The following CPN2 variants were observed in gnomAD, a reference collection of about 807,000 sequenced individuals.
CPN2 encodes the protein carboxypeptidase N 83 kDa chain.
For synonymous variants in CPN2, 336 were observed against 318.4 expected (o/e 1.06, Z -0.59); for missense variants, 620 against 671.4 (o/e 0.92, Z 0.85).
intron 1 of CPN2, among the ~76,000 whole-genome samples, chr3:194,345,853 G>A (rs1713023771): frequency 1.3e-5 from 2 of 152,254 alleles, no homozygotes; most frequent in South Asian, 2.1e-4. Flanking sequence ...GCTTCCCTGG[G>A]TCTGTGCCTC....
chr3:194,342,526 G>A lies in CPN2; in HGVS notation c.177C>T (p.Thr59=). The A allele has an allele frequency of 6.2e-7, 1 of 1,614,198 alleles. No homozygotes were observed. The highest frequency in any genetic ancestry group is 8.5e-7 in the Non-Finnish European group (1 of 1,180,022). ...CTCTGGTTTCCAATGTGGTGAACGA[G>A]GTCTCCACAAAGATGATGTTTTTCG... The part of the protein sequence containing the change: ...PYTKNIIFVE[T]SFTTLETRAF... Residue 59 remains threonine (T), a synonymous_variant, in exon 2 of 2, where the codon ACC becomes ACT. Transcript: ENST00000323830.
rs892669377 is a variant in CPN2 at position 194,342,469 on chromosome 3, C to T, written c.234G>A (p.Val78=). ...GGCAGAGCTGAGTGTTGAGGAAGAC[C>T]ACCTTGGTCAAGTTGGGGTTACTGC... The part of the protein sequence containing the change: ...AFGSNPNLTK[V]VFLNTQLCQF... Residue 78 remains valine (V), a synonymous_variant, in exon 2 of 2, where the codon GTG becomes GTA. Transcript: ENST00000323830. The T allele has an allele frequency of 6.2e-7, 1 of 1,614,242 alleles. No homozygotes were observed. Among genetic ancestry groups the T allele is most frequent in the South Asian group, 1.1e-5 (1 of 91,088 alleles).
intron 1 of CPN2, among the ~76,000 whole-genome samples, chr3:194,343,637 G>C (rs13077145): frequency 0.27 from 41,177 of 152,196 alleles, 6,133 homozygotes; most frequent in East Asian, 0.64. Context: ...CTAATTCCAT[G>C]AGTTCAAATC....
chr3:194,340,910 G>T lies in CPN2; in HGVS notation c.*155C>A, dbSNP rs1022078609. On this transcript the variant is annotated 3_prime_UTR_variant, in exon 2 of 2. Coordinates refer to ENST00000323830, the MANE Select transcript of CPN2 (RefSeq NM_001080513.4). ...GAGGAGGAGGAGACCCTGGTTAGTGGAGCAGACCAGACTCCACCCCCTCAC... is the reference window on the plus strand; with the variant it reads ...GAGGAGGAGGAGACCCTGGTTAGTGTAGCAGACCAGACTCCACCCCCTCAC... 6 of 1,192,296 alleles carry T rather than the reference G, an allele frequency of 5.0e-6. No homozygotes were observed. Among genetic ancestry groups the T allele is most frequent in the Non-Finnish European group, 6.8e-6 (6 of 881,596 alleles). The allele number at this position is 1,192,296 out of a possible 1,614,324, so 73.9% of individuals were successfully genotyped here. A position where few individuals can be genotyped will look rare whatever the true frequency, so the allele number is the denominator to read the frequency against.
At position 194,342,287 on chromosome 3, in the gene CPN2, C is replaced by A. The variant is rs1168692665; in HGVS notation, c.416G>T (p.Gly139Val). 3.1e-6 allele frequency: 5 copies of A among 1,613,826 alleles called. No homozygotes were observed. The highest frequency in any genetic ancestry group is 4.2e-6 in the Non-Finnish European group (5 of 1,179,916). Residue 139 changes from glycine to valine, a missense_variant, in exon 2 of 2, where the codon GGT becomes GTT. Physicochemically the swap from Gly to Val is moderately radical, Grantham distance 109 (BLOSUM62 -3). Transcript: ENST00000323830. ...CAGGGCAGCCAGGTGCTGGAAAAGA[C>A]CCTCGGGCAGAGCCTCCAGCATGTT... Reference protein sequence around the residue: ...NFNMLEALPEGLFQHLAALES... With the variant: ...NFNMLEALPEVLFQHLAALES...
Position 194,342,451 on chromosome 3 carries a change from C to A in CPN2, c.252G>T (p.Gln84His), listed in dbSNP as rs1712889371. 3 of 1,614,218 alleles carry A rather than the reference C, an allele frequency of 1.9e-6. No homozygotes were observed. The highest frequency in any genetic ancestry group is 2.5e-6 in the Non-Finnish European group (3 of 1,180,028). The change falls in exon 2 of 2, where the codon CAG becomes CAT. Residue 84 changes from glutamine (Q) to histidine (H), a missense_variant. By Grantham distance (24) the Gln-to-His change is conservative. Coordinates refer to ENST00000323830, the MANE Select transcript of CPN2 (RefSeq NM_001080513.4). ...AGGCATCCGGCCTAAACTGGCAGAG[C>A]TGAGTGTTGAGGAAGACCACCTTGG... Reference protein sequence around the residue: ...NLTKVVFLNTQLCQFRPDAFG... With the variant: ...NLTKVVFLNTHLCQFRPDAFG...
intron 1 of CPN2, among the ~76,000 whole-genome samples, chr3:194,344,416 G>A (rs1264980669): frequency 1.3e-5 from 2 of 152,230 alleles, no homozygotes; most frequent in Non-Finnish European, 2.9e-5. Context: ...GACTCCTGCG[G>A]CCAGGCGCAG....
In CPN2 at chr3:194,341,089, G is replaced by A. The variant is rs753779810; in HGVS notation, c.1614C>T (p.Ile538=). The change falls in exon 2 of 2, where the codon ATC becomes ATT. Residue 538 remains isoleucine (I), a synonymous_variant. Coordinates refer to ENST00000323830, the MANE Select transcript of CPN2 (RefSeq NM_001080513.4). The part of the protein sequence containing the change: ...SCGSLRLTVS[I]EARAAGP Reference sequence around the variant, plus strand: ...ACTAGGGCCCTGCTGCCCGAGCCTCGATAGACACGGTGAGCCGCAGAGAAC... The same window carrying A: ...ACTAGGGCCCTGCTGCCCGAGCCTCAATAGACACGGTGAGCCGCAGAGAAC... The A allele has an allele frequency of 3.2e-5, 52 of 1,606,238 alleles. No individual in the cohort carries two copies. Among genetic ancestry groups the A allele is most frequent in the Admixed American group, 2.3e-4 (14 of 59,844 alleles).
At position 194,341,783 on chromosome 3, in the gene CPN2, C is replaced by T. The variant is rs1197199921; in HGVS notation, c.920G>A (p.Gly307Asp). 6.2e-7 allele frequency: 1 copy of T among 1,613,880 alleles called. No individual in the cohort carries two copies. The highest frequency in any genetic ancestry group is 1.3e-5 in the African/African-American group (1 of 74,916). Reference protein sequence around the residue: ...THNQLETVAEGTFAHLSNLRS... With the variant: ...THNQLETVAEDTFAHLSNLRS... ...CAGGTTGGACAGGTGGGCAAAGGTG[C>T]CCTCAGCGACAGTCTCCAGCTGGTT... Residue 307 changes from glycine (G) to aspartate (D), a missense_variant, in exon 2 of 2, where the codon GGC becomes GAC. Coordinates refer to ENST00000323830, the MANE Select transcript of CPN2 (RefSeq NM_001080513.4).
In CPN2 at chr3:194,341,556, T is replaced by G. The variant is rs770663297; in HGVS notation, c.1147A>C (p.Thr383Pro). 20 of 1,614,110 alleles carry G rather than the reference T, an allele frequency of 1.2e-5. No homozygotes were observed. Among genetic ancestry groups the G allele is most frequent in the Non-Finnish European group, 1.1e-5 (13 of 1,180,010 alleles). The stretch of plus-strand genomic sequence containing the variant: ...GCCAGGTTGAACAGGTTGTAGTTGG[T>G]GTCGAAGATGCCCTCCGGAAGTGTG... ...LTTLPEGIFD[T>P]NYNLFNLALH... The change falls in exon 2 of 2, where the codon ACC becomes CCC. Residue 383 changes from threonine (T) to proline (P), a missense_variant. Transcript: ENST00000323830.
chr3:194,344,847 AG>A (rs1712990439), intron 1 of CPN2, among the ~76,000 whole-genome samples: 1 of 152,168 alleles, frequency 6.6e-6, no homozygotes, highest in Non-Finnish European at 1.5e-5. Flanking sequence ...CTGTGTCCCT[AG>A]ACCCCAGCTA....
At position 194,340,956 on chromosome 3, in the gene CPN2, C is replaced by T. The variant is rs1712778356; in HGVS notation, c.*109G>A. 2.1e-6 allele frequency: 3 copies of T among 1,427,834 alleles called. No individual in the cohort carries two copies. The South Asian group carries it at 4.4e-5, about 21-fold the overall frequency. The allele number at this position is 1,427,834 out of a possible 1,614,324, so 88.4% of individuals were successfully genotyped here. A position where few individuals can be genotyped will look rare whatever the true frequency, so the allele number is the denominator to read the frequency against. On this transcript the variant is annotated 3_prime_UTR_variant, in exon 2 of 2. Transcript: ENST00000323830. ...CTCACCTTGGGGATGTAACCCTGTC[C>T]CTTGCATGTGAAAAGCCAAGGCTTC...
At chr3:194,344,864 T>A (rs917299457) in intron 1 of CPN2, among the ~76,000 whole-genome samples, 1 of 151,850 alleles carries the variant, frequency 6.6e-6, no homozygotes, top group African/African-American at 2.4e-5. Context: ...AGCTACAGAG[T>A]TAGCATGAGA....
rs1340155656 is a variant in CPN2 at position 194,340,375 on chromosome 3, T to A, written c.*690A>T. 4 of 152,168 alleles carry A rather than the reference T, an allele frequency of 2.6e-5. No individual in the cohort carries two copies. Among genetic ancestry groups the A allele is most frequent in the Non-Finnish European group, 5.9e-5 (4 of 68,022 alleles). 9.4% of individuals were successfully genotyped at this position (152,168 alleles called of 1,614,324 possible). On this transcript the variant is annotated 3_prime_UTR_variant, in exon 2 of 2. Coordinates refer to ENST00000323830, the MANE Select transcript of CPN2 (RefSeq NM_001080513.4). ...CTTGTAATGTTATGCCATAGTCAGA[T>A]TAAAAATAAGTCATGATATACAGGG...
intron 1 of CPN2, among the ~76,000 whole-genome samples, chr3:194,350,420 C>T (rs967577702): frequency 3.9e-5 from 6 of 152,326 alleles, no homozygotes; most frequent in East Asian, 3.9e-4. Flanking sequence ...CAGATTCTGA[C>T]GCCATCACCT....
intron 1 of CPN2, among the ~76,000 whole-genome samples, chr3:194,344,144 G>C (rs1197006594): frequency 1.3e-5 from 2 of 152,114 alleles, no homozygotes; most frequent in South Asian, 4.1e-4. Flanking sequence ...TTCCGCTTCT[G>C]GCTGAAGGTC....
chr3:194,351,168 G>A (rs934321933), intron 1 of CPN2, 74 bp downstream of exon 1: 1 of 152,296 alleles, frequency 6.6e-6, no homozygotes, highest in Non-Finnish European at 1.5e-5. Flanking sequence ...TGAAACGGGG[G>A]AGATCGCAAG....
chr3:194,350,335 A>G (rs940870087), intron 1 of CPN2, among the ~76,000 whole-genome samples: 1 of 152,146 alleles, frequency 6.6e-6, no homozygotes, highest in Non-Finnish European at 1.5e-5. Flanking sequence ...GTGACTTCGC[A>G]TCTCAGGCCT....
In CPN2 at chr3:194,342,512, A is replaced by G. The variant is rs1712892091; in HGVS notation, c.191T>C (p.Leu64Ser). 1 of 1,614,088 alleles carries G rather than the reference A, an allele frequency of 6.2e-7. No homozygotes were observed. Among genetic ancestry groups the G allele is most frequent in the Non-Finnish European group, 8.5e-7 (1 of 1,180,038 alleles). ...IIFVETSFTT[L>S]ETRAFGSNPN... ...GTTACTGCCAAAAGCTCTGGTTTCCAATGTGGTGAACGAGGTCTCCACAAA... is the reference window on the plus strand; with the variant it reads ...GTTACTGCCAAAAGCTCTGGTTTCCGATGTGGTGAACGAGGTCTCCACAAA... Residue 64 changes from leucine to serine, a missense_variant, in exon 2 of 2, where the codon TTG (leucine) becomes TCG (serine). Physicochemically the swap from Leu to Ser is moderately radical, Grantham distance 145. Transcript: ENST00000323830.
Sources: allele counts gnomAD v4.1 joint callset (sites outside exome capture counted in the v4.1 genomes callset), GRCh38; gene constraint gnomAD v4.1.1; transcripts MANE v1.5; gene names NCBI Gene and HGNC (gene_info 2026-07-23, HGNC 2026-07-21).